The following SLC24A3 variants were observed in gnomAD, a reference collection of about 807,000 sequenced individuals.
SLC24A3 encodes the protein solute carrier family 24 member 3.
Under a neutral mutation model 75.8 loss-of-function variants are expected in SLC24A3, and 28 were observed. That is an observed-to-expected ratio of 0.37 (90% CI 0.27 to 0.51). The LOEUF is 0.51. SLC24A3 is among the 20% of genes least tolerant of loss of function. The pLI, the probability that SLC24A3 is intolerant of heterozygous loss-of-function variation, is 0.94. For synonymous variants in SLC24A3, 372 were observed against 334.1 expected, an observed-to-expected ratio of 1.11 and a Z score of -1.24; for missense variants, 663 against 847.8, an observed-to-expected ratio of 0.78 and a Z score of 2.71.
intron 2 of SLC24A3, among the ~76,000 whole-genome samples, chr20:19,346,188 ATATATATATATGG>A (rs1985409675): frequency 1.5e-5 from 1 of 68,894 alleles, no homozygotes; most frequent in Non-Finnish European, 2.8e-5. Context: ...TATATGGTGT[ATATATATATATGG>A]TATATATATA....
chr20:19,682,700 G>C (rs1436483732), intron 10 of SLC24A3, among the ~76,000 whole-genome samples: 1 of 152,160 alleles, frequency 6.6e-6, no homozygotes, highest in East Asian at 1.9e-4. Flanking sequence ...TCAGAGTTTA[G>C]TGCAATGCTC....
At position 19,721,880 on chromosome 20, in the gene SLC24A3, A is replaced by T. The variant is rs1363755711; in HGVS notation, c.*740A>T. On this transcript the variant is annotated 3_prime_UTR_variant, in exon 17 of 17. Transcript: ENST00000328041. ...GCCAAGGACGCCTCGCTAAAGTCTTATGGGCGTCCCCTGGGGTTGGGGGGG... is the reference window on the plus strand; with the variant it reads ...GCCAAGGACGCCTCGCTAAAGTCTTTTGGGCGTCCCCTGGGGTTGGGGGGG... The T allele has an allele frequency of 1.3e-5, 2 of 152,642 alleles. No homozygotes were observed. The highest frequency in any genetic ancestry group is 2.4e-5 in the African/African-American group (1 of 41,428). 9.5% of individuals were successfully genotyped at this position (152,642 alleles called of 1,614,324 possible).
At chr20:19,660,776 T>C (rs1364502294) in intron 7 of SLC24A3, among the ~76,000 whole-genome samples, 1 of 152,176 alleles carries the variant, frequency 6.6e-6, no homozygotes, top group Non-Finnish European at 1.5e-5. Flanking sequence ...CTCAGGTCTT[T>C]CAGCTCATTT....
chr20:19,403,768 T>C (rs1276832130), intron 2 of SLC24A3, among the ~76,000 whole-genome samples: 2 of 152,190 alleles, frequency 1.3e-5, no homozygotes, highest in African/African-American at 4.8e-5. Context: ...AAGGGAGGAC[T>C]TTGACATATT....
intron 4 of SLC24A3, among the ~76,000 whole-genome samples, chr20:19,581,059 G>T (rs1012097403): frequency 1.3e-5 from 2 of 152,228 alleles, no homozygotes; most frequent in African/African-American, 2.4e-5. Flanking sequence ...CATCCTGGAA[G>T]TTAGTGTTGG....
chr20:19,386,002 C>T (rs1358502720), intron 2 of SLC24A3, among the ~76,000 whole-genome samples: 1 of 152,172 alleles, frequency 6.6e-6, no homozygotes, highest in East Asian at 1.9e-4. Flanking sequence ...CTGTAGATCA[C>T]TTTGGCTAGC....
chr20:19,617,679 C>T (rs951983092), intron 6 of SLC24A3, among the ~76,000 whole-genome samples: 16 of 152,108 alleles, frequency 1.1e-4, no homozygotes, highest in African/African-American at 3.9e-4. Context: ...GGGACTGTTC[C>T]CAGTGGGGAA....
chr20:19,386,486 T>C (rs1266639881), intron 2 of SLC24A3, among the ~76,000 whole-genome samples: 2 of 152,230 alleles, frequency 1.3e-5, no homozygotes, highest in Non-Finnish European at 2.9e-5. Flanking sequence ...CATCCTTGCC[T>C]TGTAATAGCT....
chr20:19,651,827 C>T (rs1037095031), intron 6 of SLC24A3, among the ~76,000 whole-genome samples: 2 of 149,274 alleles, frequency 1.3e-5, no homozygotes, highest in Non-Finnish European at 3.0e-5. Flanking sequence ...CGCCACTGCA[C>T]TCCAGCCTGG....
chr20:19,598,015 G>A (rs1460987560), intron 6 of SLC24A3, among the ~76,000 whole-genome samples: 1 of 152,182 alleles, frequency 6.6e-6, no homozygotes, highest in Non-Finnish European at 1.5e-5. Context: ...ATTGTGAACA[G>A]AGCTGCAACA....
chr20:19,362,009 G>A (rs987390004), intron 2 of SLC24A3, among the ~76,000 whole-genome samples: 2 of 152,020 alleles, frequency 1.3e-5, no homozygotes, highest in African/African-American at 4.8e-5. Context: ...TAATGGGCTG[G>A]GTTATTTTTA....
chr20:19,653,549 C>A (rs182731035), intron 6 of SLC24A3, among the ~76,000 whole-genome samples: 1 of 152,188 alleles, frequency 6.6e-6, no homozygotes, highest in Non-Finnish European at 1.5e-5. Context: ...CGGGGCAAGA[C>A]AGGCTGTAGC....
chr20:19,679,532 G>GTGGGGAGAGGGAGACCA (rs1236729461), intron 9 of SLC24A3, among the ~76,000 whole-genome samples: 51 of 146,360 alleles, frequency 3.5e-4, no homozygotes, highest in African/African-American at 1.3e-3. Context: ...GAGGGAGACC[G>GTGGGGAGAGGGAGACCA]TGGGGAGGGG....
intron 2 of SLC24A3, among the ~76,000 whole-genome samples, chr20:19,444,153 C>T (rs1408342839): frequency 6.6e-6 from 1 of 152,174 alleles, no homozygotes; most frequent in African/African-American, 2.4e-5. Flanking sequence ...TTTCAAATAT[C>T]AATCCCACCT....
intron 2 of SLC24A3, among the ~76,000 whole-genome samples, chr20:19,407,189 C>T (rs947765324): frequency 2.0e-5 from 3 of 152,106 alleles, no homozygotes; most frequent in Admixed American, 6.5e-5. Context: ...AGGACTGGAG[C>T]GCCTCCTTGT....
intron 3 of SLC24A3, among the ~76,000 whole-genome samples, chr20:19,527,922 A>T (rs1195246922): frequency 1.1e-4 from 16 of 152,118 alleles, no homozygotes; most frequent in African/African-American, 3.9e-4. Context: ...CAAACATATC[A>T]CCAACTAAGG....
At chr20:19,699,183 G>A (rs901014741) in intron 15 of SLC24A3, among the ~76,000 whole-genome samples, 1 of 152,216 alleles carries the variant, frequency 6.6e-6, no homozygotes, top group African/African-American at 2.4e-5. Context: ...TTTGGCCCAT[G>A]GGTCATAACT....
At chr20:19,619,122 A>G (rs1352510384) in intron 6 of SLC24A3, among the ~76,000 whole-genome samples, 1 of 152,142 alleles carries the variant, frequency 6.6e-6, no homozygotes, top group African/African-American at 2.4e-5. Flanking sequence ...GCATCTAATT[A>G]CCCTTCTCTT....
At chr20:19,553,618 A>G (rs1219314728) in intron 3 of SLC24A3, among the ~76,000 whole-genome samples, 2 of 152,154 alleles carry the variant, frequency 1.3e-5, no homozygotes, top group African/African-American at 2.4e-5. Context: ...TGAGGTGTGT[A>G]AAACTAATGC....
Sources: gnomAD v4.1 joint callset for allele counts (sites outside exome capture counted in the v4.1 genomes callset) on GRCh38, gnomAD v4.1.1 for gene constraint, MANE v1.5 for transcripts, NCBI Gene and HGNC (gene_info 2026-07-23, HGNC 2026-07-21) for gene names.